Variants in PAK5 observed in about 807,000 individuals in gnomAD.
PAK5 encodes serine/threonine-protein kinase PAK 5.
PAK5 carries 16 observed loss-of-function variants against 65.9 expected under a neutral mutation model. The observed-to-expected ratio is 0.24, with a 90% confidence interval of 0.16 to 0.37. PAK5 has a LOEUF of 0.37. PAK5 is among the 10% of genes least tolerant of loss of function. The pLI, the probability that PAK5 is intolerant of heterozygous loss-of-function variation, is 1.00. For missense variants in PAK5, 785 were observed against 903.9 expected (o/e 0.87, Z 1.69); for synonymous variants, 371 against 354.9 (o/e 1.05, Z -0.51).
chr20:9,556,866 C>T (rs892504277), intron 7 of PAK5, among the ~76,000 whole-genome samples: 4 of 152,126 alleles, frequency 2.6e-5, no homozygotes, highest in Non-Finnish European at 4.4e-5. Flanking sequence ...CATTTTGGCT[C>T]CTAGCTGATT....
At chr20:9,755,628 G>T (rs571583265) in intron 1 of PAK5, among the ~76,000 whole-genome samples, 1 of 152,138 alleles carries the variant, frequency 6.6e-6, no homozygotes, top group Non-Finnish European at 1.5e-5. Context: ...TGCAAAACAC[G>T]GCAGTGTGTG....
chr20:9,725,725 C>T (rs565419960), intron 1 of PAK5, among the ~76,000 whole-genome samples: 1 of 152,020 alleles, frequency 6.6e-6, no homozygotes, highest in Non-Finnish European at 1.5e-5. Context: ...GTAGTCAGAA[C>T]AAGGAAGACA....
intron 4 of PAK5, among the ~76,000 whole-genome samples, chr20:9,574,190 A>G (rs759763427): frequency 3.3e-5 from 5 of 152,220 alleles, no homozygotes; most frequent in East Asian, 1.9e-4. Context: ...ATTGAACCCT[A>G]TAACTCGTCT....
intron 2 of PAK5, among the ~76,000 whole-genome samples, chr20:9,663,814 AG>A (rs1326064095): frequency 1.3e-5 from 2 of 152,152 alleles, no homozygotes; most frequent in African/African-American, 4.8e-5. Flanking sequence ...GAGTGCTTAA[AG>A]GTATTGCTTT....
intron 3 of PAK5, among the ~76,000 whole-genome samples, chr20:9,602,291 AAAAT>A (rs200878141): frequency 0.53 from 74,633 of 140,940 alleles, 20,592 homozygotes; most frequent in South Asian, 0.62. Context: ...CTCTGTCTCA[AAAAT>A]AAATAAATAA....
intron 1 of PAK5, among the ~76,000 whole-genome samples, chr20:9,749,118 A>G (rs1322299286): frequency 6.6e-6 from 1 of 152,174 alleles, no homozygotes; most frequent in Non-Finnish European, 1.5e-5. Context: ...ATTAAGAAAT[A>G]ACCCCATAGC....
intron 1 of PAK5, among the ~76,000 whole-genome samples, chr20:9,829,720 A>G (rs531766779): frequency 6.6e-6 from 1 of 152,342 alleles, no homozygotes; most frequent in South Asian, 2.1e-4. Context: ...CACATGTTAC[A>G]GATCTCAATA....
intron 3 of PAK5, among the ~76,000 whole-genome samples, chr20:9,643,896 A>T (rs990950302): frequency 6.6e-6 from 1 of 152,344 alleles, no homozygotes; most frequent in Non-Finnish European, 1.5e-5. Context: ...ATCGTGTTTT[A>T]TGTGTCTGAT....
chr20:9,766,098 C>A (rs185766447), intron 1 of PAK5, among the ~76,000 whole-genome samples: 2 of 151,250 alleles, frequency 1.3e-5, no homozygotes, highest in African/African-American at 4.9e-5. Context: ...GGTGCGAGCA[C>A]GTAGTCCCAG....
intron 3 of PAK5, among the ~76,000 whole-genome samples, chr20:9,609,997 G>A (rs746305391): frequency 1.3e-5 from 2 of 148,690 alleles, no homozygotes; most frequent in Non-Finnish European, 3.0e-5. Flanking sequence ...CTTTTGTTTT[G>A]TTTTGTTTTA....
intron 2 of PAK5, among the ~76,000 whole-genome samples, chr20:9,708,673 T>C (rs767881434): frequency 6.6e-6 from 1 of 152,136 alleles, no homozygotes; most frequent in Non-Finnish European, 1.5e-5. Context: ...GCCTGAGGAC[T>C]TCCTCTGGCT....
intron 6 of PAK5, among the ~76,000 whole-genome samples, chr20:9,558,007 C>CATTT (rs59495767): frequency 0.19 from 26,907 of 140,178 alleles, 3,301 homozygotes; most frequent in Middle Eastern, 0.25. Flanking sequence ...TCCAGGAACT[C>CATTT]ATTTATTTAT....
chr20:9,744,721 G>C (rs1336125358), intron 1 of PAK5, among the ~76,000 whole-genome samples: 1 of 152,150 alleles, frequency 6.6e-6, no homozygotes, highest in Non-Finnish European at 1.5e-5. Context: ...CCAGCTCAAG[G>C]TCATGCATGC....
intron 2 of PAK5, among the ~76,000 whole-genome samples, chr20:9,683,014 C>T (rs547804100): frequency 7.2e-5 from 11 of 152,334 alleles, no homozygotes; most frequent in South Asian, 6.2e-4. Flanking sequence ...GTAATCTGCA[C>T]TCTCAGAACA....
intron 7 of PAK5, among the ~76,000 whole-genome samples, chr20:9,554,394 C>T (rs891259828): frequency 3.9e-5 from 6 of 152,188 alleles, no homozygotes; most frequent in African/African-American, 1.4e-4. Context: ...GGGGAGGCCA[C>T]CTATTTTGTA....
chr20:9,700,292 T>C (rs941914783), intron 2 of PAK5, among the ~76,000 whole-genome samples: 6 of 152,112 alleles, frequency 3.9e-5, no homozygotes, highest in African/African-American at 1.2e-4. Context: ...GCACCTGTGG[T>C]CCCAGATACT....
chr20:9,613,034 A>T (rs1285302935), intron 3 of PAK5, among the ~76,000 whole-genome samples: 1 of 152,208 alleles, frequency 6.6e-6, no homozygotes, highest in African/African-American at 2.4e-5. Context: ...TTTGTGGGCC[A>T]TCAAGTCTCT....
intron 2 of PAK5, among the ~76,000 whole-genome samples, chr20:9,680,768 G>T (rs1172332688): frequency 1.3e-5 from 2 of 152,126 alleles, no homozygotes; most frequent in Admixed American, 6.5e-5. Context: ...ACCGGAGCAG[G>T]GGTGCTGCCA....
At chr20:9,809,533 T>C (rs904213918) in intron 1 of PAK5, among the ~76,000 whole-genome samples, 1 of 152,118 alleles carries the variant, frequency 6.6e-6, no homozygotes, top group Non-Finnish European at 1.5e-5. Context: ...TTTCCTCCCA[T>C]CAGGGACTTA....
Sources: allele counts gnomAD v4.1 joint callset (sites outside exome capture counted in the v4.1 genomes callset), GRCh38; gene constraint gnomAD v4.1.1; transcripts MANE v1.5; gene names NCBI Gene and HGNC (gene_info 2026-07-23, HGNC 2026-07-21).